The following CLUH variants were observed in gnomAD, a reference collection of about 807,000 sequenced individuals.
CLUH encodes CLUH binding protein of NUMT mRNA, also known as clustered mitochondria protein homolog.
A neutral mutation model predicts 139.3 loss-of-function variants in CLUH; 77 were observed. The observed-to-expected ratio is 0.55, with a 90% CI of 0.46 to 0.67. The LOEUF is 0.67. Ranked by LOEUF, CLUH falls within the 30% of genes least tolerant of loss-of-function variation. The probability of loss-of-function intolerance (pLI) is 0.00; values close to 1 mark genes in which losing one functional copy is unlikely to be tolerated. For missense variants in CLUH, 1,876 were observed against 1,875.8 expected, an observed-to-expected ratio of 1.00 and a Z score of 0.00; for synonymous variants, 999 against 801.6, an observed-to-expected ratio of 1.25 and a Z score of -4.16.
intron 1 of CLUH, among the ~76,000 whole-genome samples, chr17:2,705,317 C>T (rs1438255227): frequency 1.3e-5 from 2 of 152,102 alleles, no homozygotes; most frequent in Non-Finnish European, 2.9e-5. Flanking sequence ...TCCTCTATTT[C>T]AGCAGTGCCA....
At chr17:2,698,915 C>A (rs189025620) in intron 9 of CLUH, among the ~76,000 whole-genome samples, 5 of 152,068 alleles carry the variant, frequency 3.3e-5, no homozygotes, top group African/African-American at 7.2e-5. Flanking sequence ...GGCGAGGTGG[C>A]GCGCGCCTGT....
In CLUH at chr17:2,694,237, G is replaced by C; in HGVS notation, c.2977C>G (p.Pro993Ala). Reference protein sequence around the residue: ...KEYSFDSRHKPAFTEEDVLNI... With the variant: ...KEYSFDSRHKAAFTEEDVLNI... ...AGCACGTCCTCCTCGGTGAACGCGG[G>C]CTTGTGGCGACTGTCGAAGCTGTAC... is the stretch of plus-strand genomic sequence containing the variant. The change falls in exon 18 of 26, where the codon CCC (proline) becomes GCC (alanine). Residue 993 changes from proline (P) to alanine (A), a missense_variant. Coordinates refer to ENST00000651024, the MANE Select transcript of CLUH (RefSeq NM_001366661.1). 6.2e-7 allele frequency: 1 copy of C among 1,610,034 alleles called. No individual in the cohort carries two copies. Among genetic ancestry groups the C allele is most frequent in the Non-Finnish European group, 8.5e-7 (1 of 1,177,792 alleles).
Position 2,706,466 on chromosome 17 carries a change from A to G in CLUH, c.101-1902T>C, listed in dbSNP as rs897119474. 6.6e-6 allele frequency among the ~76,000 whole-genome samples: 1 copy of G among 152,000 alleles called. No individual in the cohort carries two copies. The highest frequency in any genetic ancestry group is 1.5e-5 in the Non-Finnish European group (1 of 67,982). On this transcript the variant is annotated intron_variant, in intron 1 of 25. Transcript: ENST00000651024. This position sits in a 1 kb window ranked among gnomAD's most constrained non-coding sequence, Gnocchi z 4.6. ...CCGCGGCACTCCCTCAACTCTGGCCACTGAGGACCTTCAGTAACTGTGCAT... is the reference window on the plus strand; with the variant it reads ...CCGCGGCACTCCCTCAACTCTGGCCGCTGAGGACCTTCAGTAACTGTGCAT...
chr17:2,697,811 T>C, intron 10 of CLUH, 85 bp downstream of exon 10: 2 of 1,305,110 alleles, frequency 1.5e-6, no homozygotes. Flanking sequence ...GCTTCTCCCT[T>C]CAAGGACCCA....
chr17:2,694,061 G>A, intron 18 of CLUH, 22 bp from the exon 19 acceptor site: 1 of 1,613,898 alleles, frequency 6.2e-7, no homozygotes, highest in Non-Finnish European at 8.5e-7. Flanking sequence ...CCCCAGGGGT[G>A]GCAAGGTCAG....
At position 2,697,988 on chromosome 17, in the gene CLUH, A is replaced by G; in HGVS notation, c.1869T>C (p.Pro623=). 3.1e-6 allele frequency: 5 copies of G among 1,593,350 alleles called. No homozygotes were observed. The highest frequency in any genetic ancestry group is 4.3e-6 in the Non-Finnish European group (5 of 1,174,874). Residue 623 remains proline, a synonymous_variant, in exon 10 of 26, where the codon CCT becomes CCC. Coordinates refer to ENST00000651024, the MANE Select transcript of CLUH (RefSeq NM_001366661.1). The part of the protein sequence containing the change: ...NFLPVPGEEL[P]EECARAGFPR... ...GGAAGCCGGCGCGGGCGCATTCCTC[A>G]GGCAGCTCCTCGCCAGGCACGGGCA...
In CLUH at chr17:2,694,625, C is replaced by T. The variant is rs1425109294; in HGVS notation, c.2853-61G>A. 3 of 1,463,296 alleles carry T rather than the reference C, an allele frequency of 2.1e-6. No individual in the cohort carries two copies. The East Asian group carries it at 7.4e-5, about 36-fold the overall frequency. 90.6% of individuals were successfully genotyped at this position (1,463,296 alleles called of 1,614,324 possible). A position where few individuals can be genotyped will look rare whatever the true frequency, so the allele number is the denominator to read the frequency against. ...ACCGCCGGGCCCCCCCAACACCGCCCCACCCAGCTCCCCAACGCTGTCCAG... is the reference window on the plus strand; with the variant it reads ...ACCGCCGGGCCCCCCCAACACCGCCTCACCCAGCTCCCCAACGCTGTCCAG... On this transcript the variant is annotated intron_variant, in intron 16 of 25. Transcript: ENST00000651024.
In CLUH at chr17:2,711,699, C is replaced by G. The variant is rs992072316; in HGVS notation, c.-38G>C. On this transcript the variant is annotated 5_prime_UTR_variant, in exon 1 of 26. Coordinates refer to ENST00000651024, the MANE Select transcript of CLUH (RefSeq NM_001366661.1). ...GGGCGTCCGCCTCGGCTGTCCGCGC[C>G]GCCCGCCGCGCCACTAACCCAAGTG... 10 of 884,630 alleles carry G rather than the reference C, an allele frequency of 1.1e-5. No individual in the cohort carries two copies. The Admixed American group carries it at 3.1e-4, about 27-fold the overall frequency. The allele number at this position is 884,630 out of a possible 1,614,324, so 54.8% of individuals were successfully genotyped here. A position where few individuals can be genotyped will look rare whatever the true frequency, so the allele number is the denominator to read the frequency against.
intron 1 of CLUH, among the ~76,000 whole-genome samples, chr17:2,710,587 G>A (rs1488741441): frequency 1.3e-5 from 2 of 152,188 alleles, no homozygotes; most frequent in African/African-American, 4.8e-5. Flanking sequence ...GAGCAAAGAG[G>A]GCCTGAGGAA....
At position 2,704,487 on chromosome 17, in the gene CLUH, T is replaced by C. The variant is rs2070290253; in HGVS notation, c.178A>G (p.Arg60Gly). 1.3e-6 allele frequency: 2 copies of C among 1,594,084 alleles called. No individual in the cohort carries two copies. Among genetic ancestry groups the C allele is most frequent in the Non-Finnish European group, 1.7e-6 (2 of 1,170,880 alleles). ...CCGGCCTCGTCAAGCCCATTTTCCC[T>C]GGGTGGCTCGGCCGCCGCCGCCTCC... is the stretch of plus-strand genomic sequence containing the variant. ...KKEAAAAEPP[R>G]ENGLDEAGPG... The change falls in exon 2 of 26, where the codon AGG (arginine) becomes GGG (glycine). Residue 60 changes from arginine (R) to glycine (G), a missense_variant. Arg to Gly is a moderately radical substitution (Grantham distance 125, BLOSUM62 -2). This residue lies in a region of CLUH where 152 missense variants were observed against 136.7 expected (regional missense o/e 1.11). Coordinates refer to ENST00000651024, the MANE Select transcript of CLUH (RefSeq NM_001366661.1). The surrounding 1 kb of genome is among the most constrained non-coding windows in gnomAD (Gnocchi z 5.7).
intron 12 of CLUH, 56 bp from the exon 13 acceptor site, chr17:2,696,315 T>A: frequency 6.6e-7 from 1 of 1,518,020 alleles, no homozygotes; most frequent in African/African-American, 1.4e-5. Flanking sequence ...AAATGCCGCC[T>A]GGCGCTGGCG....
chr17:2,700,328 G>A (rs759421137), intron 9 of CLUH, 54 bp downstream of exon 9: 52 of 1,522,342 alleles, frequency 3.4e-5, no homozygotes, highest in African/African-American at 9.6e-5. Context: ...GAGAAAACCC[G>A]TCAGCAGGTG....
rs188614105 is a variant in CLUH at position 2,697,332 on chromosome 17, G to A, written c.1962-390C>T. On this transcript the variant is annotated intron_variant, in intron 10 of 25. Transcript: ENST00000651024. ...GAGAATCACTTGAACCCGGGAGGCA[G>A]AGGTTGCGGTGAGCCGGGATCGTGC... Among the ~76,000 whole-genome samples, 189 of 152,112 alleles carry A rather than the reference G, an allele frequency of 1.2e-3. 3 individuals carry two copies. The highest frequency in any genetic ancestry group is 4.2e-3 in the African/African-American group (173 of 41,496).
At chr17:2,693,752 A>T in intron 19 of CLUH, 148 bp downstream of exon 19, 1 of 1,041,448 alleles carries the variant, frequency 9.6e-7, no homozygotes, top group Non-Finnish European at 1.4e-6. Flanking sequence ...GGACACAGTT[A>T]CAGAGGGGTG....
At chr17:2,697,518 CT>C (rs2069999934) in intron 10 of CLUH, among the ~76,000 whole-genome samples, 1 of 152,198 alleles carries the variant, frequency 6.6e-6, no homozygotes, top group African/African-American at 2.4e-5. Flanking sequence ...GTTACTCATG[CT>C]GTGGGACCTC....
chr17:2,692,888 G>C (rs1378423044), intron 19 of CLUH, 28 bp from the exon 20 acceptor site: 1 of 1,550,080 alleles, frequency 6.5e-7, no homozygotes, highest in South Asian at 1.2e-5. Context: ...TGGTTGCCGC[G>C]GCGTGGGAAC....
intron 22 of CLUH, 44 bp downstream of exon 22, chr17:2,692,317 G>T (rs936219138): frequency 1.3e-6 from 2 of 1,496,590 alleles, no homozygotes; most frequent in South Asian, 1.3e-5. Context: ...CGGCTGCCCC[G>T]CAGGCCTCCG....
intron 1 of CLUH, among the ~76,000 whole-genome samples, chr17:2,710,309 T>A (rs1475383141): frequency 6.6e-6 from 1 of 152,218 alleles, no homozygotes; most frequent in Non-Finnish European, 1.5e-5. Flanking sequence ...GCATCTGCTC[T>A]TCTGCCCAAA....
chr17:2,692,403 C>T lies in CLUH; in HGVS notation c.3518G>A (p.Ser1173Asn). 1 of 1,596,874 alleles carries T rather than the reference C, an allele frequency of 6.3e-7. No homozygotes were observed. Among genetic ancestry groups the T allele is most frequent in the Non-Finnish European group, 8.5e-7 (1 of 1,178,446 alleles). Residue 1173 changes from serine to asparagine, a missense_variant, in exon 22 of 26, where the codon AGC (serine) becomes AAC (asparagine). By Grantham distance (46) the Ser-to-Asn change is conservative. Transcript: ENST00000651024. ...GGCCTTGGGCCCGTGGTACTTGGTG[C>T]TGACGGCCAGCGCGTTCTCCAGGAA... ...LRFLENALAV[S>N]TKYHGPKALK...
Sources: allele counts gnomAD v4.1 joint callset (sites outside exome capture counted in the v4.1 genomes callset), GRCh38; gene constraint gnomAD v4.1.1; regional missense constraint gnomAD v4.1.1; non-coding constraint Gnocchi (gnomAD v3.1); transcripts MANE v1.5; gene names NCBI Gene and HGNC (gene_info 2026-07-23, HGNC 2026-07-21).